Variants in DRC3 observed in about 807,000 individuals in gnomAD.
The protein encoded by DRC3 is dynein regulatory complex subunit 3, also known as leucine rich repeat containing 48.
In DRC3, 45 loss-of-function variants were observed where a neutral mutation model predicts 57.6. The observed-to-expected ratio is 0.78, with a 90% CI of 0.62 to 1.00. The LOEUF is 1.00. Ranked by LOEUF, DRC3 falls within the 50% of genes least tolerant of loss-of-function variation. The probability of loss-of-function intolerance (pLI) is 0.00; values close to 1 mark genes in which losing one functional copy is unlikely to be tolerated. For synonymous variants in DRC3, 257 were observed against 272.3 expected, an observed-to-expected ratio of 0.94 and a Z score of 0.55; for missense variants, 655 against 675.2, an observed-to-expected ratio of 0.97 and a Z score of 0.33.
chr17:18,007,104 T>G lies in DRC3; in HGVS notation c.1283T>G (p.Val428Gly). The change falls in exon 12 of 14, where the codon GTC becomes GGC. Residue 428 changes from valine to glycine, a missense_variant. Coordinates refer to ENST00000399187, the MANE Select transcript of DRC3 (RefSeq NM_031294.4). Reference protein sequence around the residue: ...EISISTLEKIVEGDLDEDLPN... With the variant: ...EISISTLEKIGEGDLDEDLPN... ...TCTATCAGCACCCTGGAGAAGATTG[T>G]CGAGGGCGACCTGGACGAGGACCTG... is the stretch of plus-strand genomic sequence containing the variant. 8.6e-7 allele frequency: 1 copy of G among 1,158,924 alleles called. No individual in the cohort carries two copies. Among genetic ancestry groups the G allele is most frequent in the Non-Finnish European group, 1.1e-6 (1 of 921,818 alleles). The allele number at this position is 1,158,924 out of a possible 1,614,324, so 71.8% of individuals were successfully genotyped here. A position where few individuals can be genotyped will look rare whatever the true frequency, so the allele number is the denominator to read the frequency against.
intron 9 of DRC3, among the ~76,000 whole-genome samples, chr17:17,999,405 C>T (rs2043595649): frequency 6.6e-6 from 1 of 152,208 alleles, no homozygotes; most frequent in Admixed American, 6.5e-5. Flanking sequence ...TCCATTGTTC[C>T]CTGGGTGCTT....
intron 4 of DRC3, among the ~76,000 whole-genome samples, chr17:17,987,629 C>T (rs559703883): frequency 2.0e-5 from 3 of 152,296 alleles, no homozygotes; most frequent in African/African-American, 7.2e-5. Flanking sequence ...CTGCTTCAGA[C>T]CTGCGGGTTA....
intron 5 of DRC3, among the ~76,000 whole-genome samples, chr17:17,988,765 C>T (rs2043086058): frequency 1.3e-5 from 2 of 152,196 alleles, no homozygotes; most frequent in Admixed American, 1.3e-4. Flanking sequence ...CAGATCCCAG[C>T]TGTGGGCCGT....
chr17:18,012,346 T>C (rs2044198085), intron 12 of DRC3, among the ~76,000 whole-genome samples: 1 of 152,122 alleles, frequency 6.6e-6, no homozygotes, highest in African/African-American at 2.4e-5. Context: ...TCTCACTCTA[T>C]ACAAAAATCA....
intron 12 of DRC3, among the ~76,000 whole-genome samples, chr17:18,012,538 TG>T (rs1382229877): frequency 6.6e-6 from 1 of 152,082 alleles, no homozygotes; most frequent in Non-Finnish European, 1.5e-5. Flanking sequence ...AAAAATTAGC[TG>T]GGCATGGTGG....
intron 12 of DRC3, among the ~76,000 whole-genome samples, chr17:18,014,217 G>A (rs746870952): frequency 4.6e-5 from 7 of 152,156 alleles, no homozygotes; most frequent in East Asian, 3.9e-4. Flanking sequence ...ATGTGACACC[G>A]TGCCCGGCCA....
intron 9 of DRC3, 79 bp downstream of exon 9, chr17:17,997,713 G>A (rs2043522472): frequency 7.6e-7 from 1 of 1,324,126 alleles, no homozygotes; most frequent in Non-Finnish European, 1.0e-6. Context: ...ACTGTAGGGG[G>A]ACTGCAACTC....
Position 18,004,446 on chromosome 17 carries a change from G to C in DRC3, c.1083G>C (p.Leu361Phe). The C allele has an allele frequency of 6.2e-7, 1 of 1,611,382 alleles. No homozygotes were observed. Among genetic ancestry groups the C allele is most frequent in the Non-Finnish European group, 8.5e-7 (1 of 1,178,848 alleles). The change falls in exon 10 of 14, where the codon TTG (leucine) becomes TTC (phenylalanine). Residue 361 changes from leucine (L) to phenylalanine (F), a missense_variant. Physicochemically the swap from Leu to Phe is conservative, Grantham distance 22. Transcript: ENST00000399187. ...ILECSADISELFDALMTLEMQ... is the reference protein window; with the variant it reads ...ILECSADISEFFDALMTLEMQ... ...AATGCAGTGCTGACATCAGTGAGTTGTTCGATGCGCTCATGACGCTGGAGA... is the reference window on the plus strand; with the variant it reads ...AATGCAGTGCTGACATCAGTGAGTTCTTCGATGCGCTCATGACGCTGGAGA...
rs1375165886 is a variant in DRC3 at position 17,992,912 on chromosome 17, G to A, written c.591+1G>A. On this transcript the variant is annotated splice_donor_variant, in intron 6 of 13. Transcript: ENST00000399187. LOFTEE classifies it high-confidence loss of function. ...CTACCGGCGCATTGATGACCACACA[G>A]CAAGTGTCTCCCTCTCAGTCTCCCA... is the stretch of plus-strand genomic sequence containing the variant. 3 of 1,613,814 alleles carry A rather than the reference G, an allele frequency of 1.9e-6. No homozygotes were observed. Among genetic ancestry groups the A allele is most frequent in the Non-Finnish European group, 2.5e-6 (3 of 1,179,802 alleles).
rs1305712980 is a variant in DRC3, at chr17:18,008,127, C to T, written c.1326+980C>T. On this transcript the variant is annotated intron_variant, in intron 12 of 13. Coordinates refer to ENST00000399187, the MANE Select transcript of DRC3 (RefSeq NM_031294.4). This position sits in a 1 kb window ranked among gnomAD's most constrained non-coding sequence, Gnocchi z 4.3. ...CCTCACTCCTGATGCTCAGCGGCAG[C>T]CTCTGAGCTCTTCCCCAGTCACCCA... is the stretch of plus-strand genomic sequence containing the variant. Among the ~76,000 whole-genome samples the T allele has an allele frequency of 6.6e-6, 1 of 152,210 alleles. No homozygotes were observed. The highest frequency in any genetic ancestry group is 1.5e-5 in the Non-Finnish European group (1 of 68,034).
At chr17:17,993,035 C>T (rs765508614) in intron 6 of DRC3, 124 bp downstream of exon 6, 1 of 999,052 alleles carries the variant, frequency 1.0e-6, no homozygotes, top group Non-Finnish European at 1.5e-6. Flanking sequence ...AAGGGCAGCT[C>T]CCTCTTCCTA....
At position 17,992,901 on chromosome 17, in the gene DRC3, A is replaced by G. The variant is rs1408158892; in HGVS notation, c.581A>G (p.Asp194Gly). The G allele has an allele frequency of 1.4e-5, 22 of 1,613,778 alleles. No homozygotes were observed. Among genetic ancestry groups the G allele is most frequent in the Admixed American group, 3.3e-5 (2 of 59,996 alleles). The change falls in exon 6 of 14, where the codon GAT becomes GGT. Residue 194 changes from aspartate (D) to glycine (G), a missense_variant. Transcript: ENST00000399187. The stretch of plus-strand genomic sequence containing the variant: ...ATGTACCTGGACTACCGGCGCATTG[A>G]TGACCACACAGCAAGTGTCTCCCTC... The part of the protein sequence containing the change: ...DLMYLDYRRI[D>G]DHTKKLAEAK...
chr17:17,994,361 G>A lies in DRC3; in HGVS notation c.654G>A (p.Leu218=). The A allele has an allele frequency of 6.4e-7, 1 of 1,555,486 alleles. No homozygotes were observed. Among genetic ancestry groups the A allele is most frequent in the East Asian group, 2.4e-5 (1 of 41,050 alleles). The part of the protein sequence containing the change: ...SIDELKHQEN[L]MQAQLEDEQA... ...ACGAGCTGAAGCACCAGGAGAACCT[G>A]ATGCAGGCCCAGCTGGAGGACGAGC... The change falls in exon 7 of 14, where the codon CTG becomes CTA. Residue 218 remains leucine, a synonymous_variant. Transcript: ENST00000399187.
chr17:17,994,447 G>C (rs1288837470), intron 7 of DRC3, 29 bp downstream of exon 7: 2 of 1,548,178 alleles, frequency 1.3e-6, no homozygotes, highest in African/African-American at 2.7e-5. Flanking sequence ...GCACGCCCTC[G>C]GCCCCCTCAG....
chr17:17,992,049 T>G (rs1460660519), intron 5 of DRC3, among the ~76,000 whole-genome samples: 1 of 152,132 alleles, frequency 6.6e-6, no homozygotes, highest in Admixed American at 6.6e-5. Flanking sequence ...CCAAGGCTGG[T>G]GGATCGCTTG....
chr17:18,011,246 C>T (rs917432896), intron 12 of DRC3: 5 of 261,292 alleles, frequency 1.9e-5, no homozygotes, highest in Non-Finnish European at 3.7e-5. Flanking sequence ...CGTGAGCCGC[C>T]ACGCCAGGCC....
chr17:17,996,350 G>T (rs2043457788), intron 8 of DRC3, among the ~76,000 whole-genome samples: 1 of 152,200 alleles, frequency 6.6e-6, no homozygotes, highest in Admixed American at 6.5e-5. Context: ...AGTTCTACAT[G>T]GCTGGGGAGG....
At chr17:18,004,921 C>T (rs191790224) in intron 10 of DRC3, 6 of 161,240 alleles carry the variant, frequency 3.7e-5, no homozygotes, top group South Asian at 1.8e-4. Context: ...TGAAAAGCGC[C>T]GCTGTCTGAA....
chr17:17,980,586 C>T lies in DRC3; in HGVS notation c.160+2828C>T, dbSNP rs547060400. Reference sequence around the variant, plus strand: ...CTAGGATTATAGGTATGAGCCACTGCGCCCAGCATTTTTTTTTTTTTTTTT... The same window carrying T: ...CTAGGATTATAGGTATGAGCCACTGTGCCCAGCATTTTTTTTTTTTTTTTT... On this transcript the variant is annotated intron_variant, in intron 3 of 13. Coordinates refer to ENST00000399187, the MANE Select transcript of DRC3 (RefSeq NM_031294.4). Among the ~76,000 whole-genome samples the T allele has an allele frequency of 1.0e-4, 15 of 146,830 alleles. No homozygotes were observed. The East Asian group carries it at 1.2e-3, about 12-fold the overall frequency.
Sources: gnomAD v4.1 joint callset for allele counts (sites outside exome capture counted in the v4.1 genomes callset) on GRCh38, gnomAD v4.1.1 for gene constraint, Gnocchi (gnomAD v3.1) non-coding constraint, MANE v1.5 for transcripts, NCBI Gene and HGNC (gene_info 2026-07-23, HGNC 2026-07-21) for gene names.